The following AGMO variants were observed in gnomAD, a reference collection of about 807,000 sequenced individuals.
AGMO encodes the protein glyceryl-ether monooxygenase.
In AGMO, 75 loss-of-function variants were observed where a neutral mutation model predicts 60.2. That is an observed-to-expected ratio of 1.25 (90% confidence interval 1.03 to 1.51). AGMO has a LOEUF of 1.51. AGMO is among the 40% of genes most tolerant of loss of function. The probability of loss-of-function intolerance (pLI) is 0.00; values close to 1 mark genes in which losing one functional copy is unlikely to be tolerated. For missense variants in AGMO, 763 were observed against 525.5 expected, an observed-to-expected ratio of 1.45 and a Z score of -4.42; for synonymous variants, 261 against 177.1, an observed-to-expected ratio of 1.47 and a Z score of -3.76.
chr7:15,395,679 TTTA>T lies in AGMO; in HGVS notation c.610-1503_610-1501del, dbSNP rs767344332. 1.9e-3 allele frequency among the ~76,000 whole-genome samples: 284 copies of T among 152,300 alleles called. 1 individual carries two copies. The highest frequency in any genetic ancestry group is 6.2e-3 in the African/African-American group (258 of 41,564). The stretch of plus-strand genomic sequence containing the variant: ...TTTTGAAACAAAATGGATATATAAA[TTTA>T]TTGTTATTCTAATTTTATGAATGTT... On this transcript the variant is annotated intron_variant, in intron 5 of 12. Coordinates refer to ENST00000342526, the MANE Select transcript of AGMO (RefSeq NM_001004320.2).
chr7:15,416,341 T>C (rs190741571), intron 5 of AGMO, among the ~76,000 whole-genome samples: 10 of 152,274 alleles, frequency 6.6e-5, no homozygotes, highest in Admixed American at 6.5e-4. Context: ...GTCTAGACTT[T>C]GTTTATTTAT....
At chr7:15,524,501 C>A (rs544368336) in intron 3 of AGMO, among the ~76,000 whole-genome samples, 15 of 152,052 alleles carry the variant, frequency 9.9e-5, no homozygotes, top group African/African-American at 3.6e-4. Flanking sequence ...TTTTAATGGC[C>A]CACAGGAAAT....
At chr7:15,119,605 C>A in the AGMO span, among the ~76,000 whole-genome samples, 11 of 152,074 alleles carry the variant, frequency 7.2e-5, no homozygotes, top group African/African-American at 2.7e-4. Flanking sequence ...ATGTATTAAT[C>A]CCTTCATTCT....
chr7:15,310,264 G>T (rs2128531349), intron 12 of AGMO, among the ~76,000 whole-genome samples: 1 of 152,198 alleles, frequency 6.6e-6, no homozygotes, highest in Non-Finnish European at 1.5e-5. Context: ...TCAAAGCTGT[G>T]GTTATTCAGG....
intron 12 of AGMO, among the ~76,000 whole-genome samples, chr7:15,336,751 T>C (rs562876920): frequency 1.4e-4 from 22 of 152,196 alleles, no homozygotes; most frequent in Non-Finnish European, 2.5e-4. Flanking sequence ...AATTTCAACA[T>C]GGCTAGTCTT....
At chr7:15,236,382 A>G (rs946264951) in intron 12 of AGMO, among the ~76,000 whole-genome samples, 9 of 152,148 alleles carry the variant, frequency 5.9e-5, no homozygotes, top group Admixed American at 1.3e-4. Flanking sequence ...AATTTGAAGG[A>G]GGACATATAA....
intron 5 of AGMO, among the ~76,000 whole-genome samples, chr7:15,401,991 C>A (rs142208293): frequency 6.6e-6 from 1 of 152,098 alleles, no homozygotes; most frequent in African/African-American, 2.4e-5. Context: ...GGAGCCCAGA[C>A]CACTGTGGGT....
intron 10 of AGMO, among the ~76,000 whole-genome samples, chr7:15,367,244 T>C (rs1783022872): frequency 2.1e-5 from 3 of 145,786 alleles, no homozygotes; most frequent in Admixed American, 2.0e-4. Context: ...TGGAAATAAA[T>C]GATAATTTTT....
intron 10 of AGMO, among the ~76,000 whole-genome samples, chr7:15,384,727 G>A (rs1783843142): frequency 6.7e-6 from 1 of 148,978 alleles, no homozygotes; most frequent in South Asian, 2.1e-4. Context: ...TTACAATTTA[G>A]TTACCTTACT....
chr7:15,186,066 A>G, the AGMO span, among the ~76,000 whole-genome samples: 17 of 152,214 alleles, frequency 1.1e-4, no homozygotes, highest in Non-Finnish European at 2.4e-4. Context: ...TGATAGGTAC[A>G]TAAATATTCT....
At chr7:15,273,171 C>T (rs1050534553) in intron 12 of AGMO, among the ~76,000 whole-genome samples, 3 of 152,122 alleles carry the variant, frequency 2.0e-5, no homozygotes, top group Non-Finnish European at 2.9e-5. Flanking sequence ...CTTGCCATTG[C>T]TTTTGGTGTT....
chr7:15,245,419 C>A (rs1048984974), intron 12 of AGMO, among the ~76,000 whole-genome samples: 3 of 152,134 alleles, frequency 2.0e-5, no homozygotes, highest in Non-Finnish European at 4.4e-5. Flanking sequence ...TTGAGATTTG[C>A]AGACTTCTAA....
chr7:15,208,743 G>C (rs571956845), intron 12 of AGMO, among the ~76,000 whole-genome samples: 1 of 152,204 alleles, frequency 6.6e-6, no homozygotes, highest in East Asian at 1.9e-4. Flanking sequence ...CTGTAAATAA[G>C]TTCTAGCTAC....
intron 12 of AGMO, among the ~76,000 whole-genome samples, chr7:15,245,915 G>A (rs928260524): frequency 2.0e-5 from 3 of 152,034 alleles, no homozygotes; most frequent in Admixed American, 2.0e-4. Flanking sequence ...ATCATCCCCA[G>A]GCAATCAGAC....
chr7:15,490,342 G>C (rs1184514017), intron 3 of AGMO, among the ~76,000 whole-genome samples: 1 of 152,146 alleles, frequency 6.6e-6, no homozygotes, highest in East Asian at 1.9e-4. Flanking sequence ...TCTTGGAAAA[G>C]AATGTGCATA....
At chr7:15,546,917 G>A (rs992888951) in intron 2 of AGMO, among the ~76,000 whole-genome samples, 2 of 152,146 alleles carry the variant, frequency 1.3e-5, no homozygotes, top group Non-Finnish European at 2.9e-5. Context: ...TGGTGCAAAC[G>A]TTTACTGAAA....
At chr7:15,170,624 T>C in the AGMO span, among the ~76,000 whole-genome samples, 1 of 152,168 alleles carries the variant, frequency 6.6e-6, no homozygotes, top group South Asian at 2.1e-4. Flanking sequence ...ATAGAGTATT[T>C]CCATATACTC....
chr7:15,447,933 G>T (rs1316833306), intron 3 of AGMO, among the ~76,000 whole-genome samples: 1 of 152,118 alleles, frequency 6.6e-6, no homozygotes, highest in African/African-American at 2.4e-5. Flanking sequence ...ATATCAAGCA[G>T]AAACAGAATG....
chr7:15,286,652 G>A (rs1784109023), intron 12 of AGMO, among the ~76,000 whole-genome samples: 2 of 152,086 alleles, frequency 1.3e-5, no homozygotes, highest in African/African-American at 4.8e-5. Flanking sequence ...AACATCTAAG[G>A]AAAACAGTAT....
Sources: gnomAD v4.1 joint callset for allele counts (sites outside exome capture counted in the v4.1 genomes callset) on GRCh38, gnomAD v4.1.1 for gene constraint, MANE v1.5 for transcripts, NCBI Gene and HGNC (gene_info 2026-07-23, HGNC 2026-07-21) for gene names.